Variants in DLX4 observed in about 807,000 individuals in gnomAD.
DLX4 encodes the protein homeobox protein DLX-4.
In DLX4, 13 loss-of-function variants were observed where a neutral mutation model predicts 17.1. That is an observed-to-expected ratio of 0.76 (90% CI 0.49 to 1.21). The LOEUF is 1.21. DLX4 is among the 50% of genes most tolerant of loss of function. The probability of loss-of-function intolerance (pLI) is 0.00; values close to 1 mark genes in which losing one functional copy is unlikely to be tolerated. For synonymous variants in DLX4, 129 were observed against 140.3 expected, an observed-to-expected ratio of 0.92 and a Z score of 0.57; for missense variants, 297 against 301.4, an observed-to-expected ratio of 0.99 and a Z score of 0.11.
rs1158286309 is a variant in DLX4, at chr17:49,969,277, C to A, written c.-192C>A. On this transcript the variant is annotated 5_prime_UTR_variant, in exon 1 of 3. Coordinates refer to ENST00000240306, the MANE Select transcript of DLX4 (RefSeq NM_138281.3). ...GGGAAAGTCATGGGGGGCACCCCCC[C>A]GGAACCCCTTTCCCAGGCGCGCGTT... The A allele has an allele frequency of 3.4e-6, 2 of 592,196 alleles. No individual in the cohort carries two copies. The highest frequency in any genetic ancestry group is 3.4e-5 in the East Asian group (1 of 29,286). 36.7% of individuals were successfully genotyped at this position (592,196 alleles called of 1,614,324 possible).
Position 49,972,684 on chromosome 17 carries a change from C to G in DLX4, c.284-389C>G, listed in dbSNP as rs1160505976. The G allele has an allele frequency of 2.5e-6, 3 of 1,198,590 alleles. No homozygotes were observed. In the African/African-American group the frequency reaches 4.7e-5, roughly 19 times the overall value. 74.2% of individuals were successfully genotyped at this position (1,198,590 alleles called of 1,614,324 possible). On this transcript the variant is annotated intron_variant, in intron 1 of 2. Coordinates refer to ENST00000240306, the MANE Select transcript of DLX4 (RefSeq NM_138281.3). The surrounding 1 kb of genome is among the most constrained non-coding windows in gnomAD (Gnocchi z 5.4). ...TCCTTCCTCTGTCATCTCTAGGCCT[C>G]GGCTCAGCCCTGGACCTAGCCTTTC...
chr17:49,974,206 T>G lies in DLX4; in HGVS notation c.*263T>G. Reference sequence around the variant, plus strand: ...CTTCACTCCAGCTGGACAAAGACTCTGGAGAGAGAGCCATTGGCTGGAGTT... The same window carrying G: ...CTTCACTCCAGCTGGACAAAGACTCGGGAGAGAGAGCCATTGGCTGGAGTT... On this transcript the variant is annotated 3_prime_UTR_variant, in exon 3 of 3. Transcript: ENST00000240306. The G allele has an allele frequency of 3.2e-6, 1 of 316,988 alleles. No homozygotes were observed. The highest frequency in any genetic ancestry group is 5.4e-5 in the East Asian group (1 of 18,506). 19.6% of individuals were successfully genotyped at this position (316,988 alleles called of 1,614,324 possible). A position where few individuals can be genotyped will look rare whatever the true frequency, so the allele number is the denominator to read the frequency against.
rs866540247 is a variant in DLX4, at chr17:49,973,762, G to A, written c.542G>A (p.Gly181Glu). 6.4e-7 allele frequency: 1 copy of A among 1,551,520 alleles called. No individual in the cohort carries two copies. Among genetic ancestry groups the A allele is most frequent in the Non-Finnish European group, 8.7e-7 (1 of 1,148,900 alleles). Residue 181 changes from glycine to glutamate, a missense_variant, in exon 3 of 3, where the codon GGG (glycine) becomes GAG (glutamate). Transcript: ENST00000240306. The stretch of plus-strand genomic sequence containing the variant: ...AAGAAGCTCCTGAAGCAGAATTCTG[G>A]GGGGCAGGAAGGGGACTTCCCTGGG... ...KYKKLLKQNS[G>E]GQEGDFPGRT...
At position 49,969,624 on chromosome 17, in the gene DLX4, C is replaced by A; in HGVS notation, c.156C>A (p.Gly52=). 1 of 1,613,026 alleles carries A rather than the reference C, an allele frequency of 6.2e-7. No homozygotes were observed. The highest frequency in any genetic ancestry group is 8.5e-7 in the Non-Finnish European group (1 of 1,179,964). The change falls in exon 1 of 3, where the codon GGC becomes GGA. Residue 52 remains glycine, a synonymous_variant. Coordinates refer to ENST00000240306, the MANE Select transcript of DLX4 (RefSeq NM_138281.3). ...SPNLSYSRPY[G]HLLSYPYTEP... ...ATTTGTCCTACTCCAGGCCGTATGG[C>A]CACCTCCTGTCTTACCCCTACACCG...
At chr17:49,969,787 G>C in intron 1 of DLX4, 36 bp downstream of exon 1, 1 of 1,530,336 alleles carries the variant, frequency 6.5e-7, no homozygotes. Flanking sequence ...CCACCTCTGG[G>C]GTTCGGCTCC....
chr17:49,970,449 C>A (rs1179948402), intron 1 of DLX4, among the ~76,000 whole-genome samples: 1 of 152,204 alleles, frequency 6.6e-6, no homozygotes, highest in Non-Finnish European at 1.5e-5. Flanking sequence ...AGGAGCCGGC[C>A]ATCGCTGTCA....
intron 2 of DLX4, 177 bp from the exon 3 acceptor site, chr17:49,973,524 A>C: frequency 3.0e-6 from 3 of 994,216 alleles, no homozygotes; most frequent in Non-Finnish European, 4.5e-6. Context: ...ATACTAGCTC[A>C]GAGGCAGGAA....
At chr17:49,973,303 C>T (rs1905591247) in intron 2 of DLX4, 34 bp downstream of exon 2, 1 of 1,607,824 alleles carries the variant, frequency 6.2e-7, no homozygotes, top group African/African-American at 1.3e-5. Flanking sequence ...CATCTCTCAC[C>T]TTCCCTGGTT....
In DLX4 at chr17:49,973,790, G is replaced by A; in HGVS notation, c.570G>A (p.Arg190=). ...SGGQEGDFPG[R]TFSVSPCSPP... ...GGCAGGAAGGGGACTTCCCTGGGAG[G>A]ACCTTCTCTGTGTCTCCCTGCTCCC... The change falls in exon 3 of 3, where the codon AGG becomes AGA. Residue 190 remains arginine, a synonymous_variant. Transcript: ENST00000240306. 6.3e-7 allele frequency: 1 copy of A among 1,595,788 alleles called. No homozygotes were observed. Among genetic ancestry groups the A allele is most frequent in the Non-Finnish European group, 8.5e-7 (1 of 1,170,524 alleles).
At position 49,974,132 on chromosome 17, in the gene DLX4, C is replaced by T; in HGVS notation, c.*189C>T. On this transcript the variant is annotated 3_prime_UTR_variant, in exon 3 of 3. Transcript: ENST00000240306. ...CTAACCCTAACAGCTAAATCAAGGACCTCAGCCTTATATAATCATTGTCCC... is the reference window on the plus strand; with the variant it reads ...CTAACCCTAACAGCTAAATCAAGGATCTCAGCCTTATATAATCATTGTCCC... 1 of 637,232 alleles carries T rather than the reference C, an allele frequency of 1.6e-6. No individual in the cohort carries two copies. The highest frequency in any genetic ancestry group is 2.4e-6 in the Non-Finnish European group (1 of 415,394). 39.5% of individuals were successfully genotyped at this position (637,232 alleles called of 1,614,324 possible).
At chr17:49,970,749 G>A (rs1905477320) in intron 1 of DLX4, among the ~76,000 whole-genome samples, 1 of 152,184 alleles carries the variant, frequency 6.6e-6, no homozygotes, top group South Asian at 2.1e-4. Context: ...TTCCAAGGAG[G>A]CACACCCATT....
chr17:49,970,580 TGG>T (rs1905470916), intron 1 of DLX4, among the ~76,000 whole-genome samples: 1 of 152,218 alleles, frequency 6.6e-6, no homozygotes, highest in Non-Finnish European at 1.5e-5. Flanking sequence ...GGCCCGTCTT[TGG>T]GATCCTGGGC....
chr17:49,973,806 C>T lies in DLX4; in HGVS notation c.586C>T (p.Pro196Ser), dbSNP rs552458439. ...CCCTGGGAGGACCTTCTCTGTGTCT[C>T]CCTGCTCCCCACCCCTCCCCTCCCT... ...DFPGRTFSVS[P>S]CSPPLPSLWD... Residue 196 changes from proline (P) to serine (S), a missense_variant, in exon 3 of 3, where the codon CCC (proline) becomes TCC (serine). Physicochemically the swap from Pro to Ser is moderately conservative, Grantham distance 74. Transcript: ENST00000240306. The T allele has an allele frequency of 3.1e-6, 5 of 1,605,680 alleles. No homozygotes were observed. Among genetic ancestry groups the T allele is most frequent in the South Asian group, 1.1e-5 (1 of 89,796 alleles).
In DLX4 at chr17:49,973,839, C is replaced by T. The variant is rs1412749600; in HGVS notation, c.619C>T (p.Leu207=). The change falls in exon 3 of 3, where the codon CTA becomes TTA. Residue 207 remains leucine, a synonymous_variant. Coordinates refer to ENST00000240306, the MANE Select transcript of DLX4 (RefSeq NM_138281.3). The part of the protein sequence containing the change: ...CSPPLPSLWD[L]PKAGTLPTSG... ...CCCACCCCTCCCCTCCCTCTGGGATCTACCCAAGGCAGGGACCCTGCCCAC... is the reference window on the plus strand; with the variant it reads ...CCCACCCCTCCCCTCCCTCTGGGATTTACCCAAGGCAGGGACCCTGCCCAC... 4.4e-6 allele frequency: 7 copies of T among 1,608,236 alleles called. No individual in the cohort carries two copies. The highest frequency in any genetic ancestry group is 5.9e-6 in the Non-Finnish European group (7 of 1,176,760).
Position 49,972,563 on chromosome 17 carries a change from C to T in DLX4, c.284-510C>T. On this transcript the variant is annotated intron_variant, in intron 1 of 2. Transcript: ENST00000240306. This position sits in a 1 kb window ranked among gnomAD's most constrained non-coding sequence, Gnocchi z 5.4. The stretch of plus-strand genomic sequence containing the variant: ...GACTGGTATTCAAGGTCCTCTCAGC[C>T]GGGCCTCTCACCCACCCCGCTGGCC... 1 of 234,734 alleles carries T rather than the reference C, an allele frequency of 4.3e-6. No homozygotes were observed. The highest frequency in any genetic ancestry group is 7.2e-6 in the Non-Finnish European group (1 of 138,492). The allele number at this position is 234,734 out of a possible 1,614,324, so 14.5% of individuals were successfully genotyped here.
In DLX4 at chr17:49,969,371, G is replaced by A. The variant is rs1045398493; in HGVS notation, c.-98G>A. 9 of 1,359,130 alleles carry A rather than the reference G, an allele frequency of 6.6e-6. No homozygotes were observed. Among genetic ancestry groups the A allele is most frequent in the East Asian group, 5.2e-5 (2 of 38,644 alleles). 84.2% of individuals were successfully genotyped at this position (1,359,130 alleles called of 1,614,324 possible). A position where few individuals can be genotyped will look rare whatever the true frequency, so the allele number is the denominator to read the frequency against. On this transcript the variant is annotated 5_prime_UTR_variant, in exon 1 of 3. Transcript: ENST00000240306. ...AAGTGTGGGGGCTGCTGGCTGGGGG[G>A]CCCGTCCGGCCCAACGCCGGAGGCT...
At chr17:49,973,027 C>T (rs751534594) in intron 1 of DLX4, 46 bp from the exon 2 acceptor site, 3 of 1,604,268 alleles carry the variant, frequency 1.9e-6, no homozygotes, top group African/African-American at 1.3e-5. Flanking sequence ...CGTCCTACCC[C>T]CTCGCTCCCT....
intron 1 of DLX4, among the ~76,000 whole-genome samples, chr17:49,971,327 C>A (rs893904231): frequency 6.6e-6 from 1 of 152,176 alleles, no homozygotes; most frequent in Non-Finnish European, 1.5e-5. Flanking sequence ...GGTTTGGGCG[C>A]TCTAGAGTGG....
At chr17:49,971,273 T>C (rs1281948351) in intron 1 of DLX4, among the ~76,000 whole-genome samples, 2 of 152,182 alleles carry the variant, frequency 1.3e-5, no homozygotes, top group Non-Finnish European at 2.9e-5. Context: ...CACACCCAGA[T>C]TTCCTTAGAA....
Sources: gnomAD v4.1 joint callset for allele counts (sites outside exome capture counted in the v4.1 genomes callset) on GRCh38, gnomAD v4.1.1 for gene constraint, Gnocchi (gnomAD v3.1) non-coding constraint, MANE v1.5 for transcripts, NCBI Gene and HGNC (gene_info 2026-07-23, HGNC 2026-07-21) for gene names.